NCOA2: variants seen among roughly 807,000 people sequenced by gnomAD.
The protein encoded by NCOA2 is nuclear receptor coactivator 2, also known as class E basic helix-loop-helix protein 75.
A neutral mutation model predicts 145.1 loss-of-function variants in NCOA2; 21 were observed. That is an observed-to-expected ratio of 0.14 (90% CI 0.10 to 0.21). The LOEUF (loss-of-function observed/expected upper bound fraction) is 0.21. Ranked by LOEUF, NCOA2 falls within the 10% of genes least tolerant of loss-of-function variation. The probability of loss-of-function intolerance (pLI) is 1.00; values close to 1 mark genes in which losing one functional copy is unlikely to be tolerated. For missense variants in NCOA2, 1,472 were observed against 1,837.6 expected (o/e 0.80, Z 3.64); for synonymous variants, 619 against 637.5 (o/e 0.97, Z 0.44).
intron 1 of NCOA2, among the ~76,000 whole-genome samples, chr8:70,401,191 T>A (rs1814209269): frequency 6.6e-6 from 1 of 152,146 alleles, no homozygotes; most frequent in Non-Finnish European, 1.5e-5. Context: ...ACCTGTGATC[T>A]TTACAGAGAA....
intron 22 of NCOA2, among the ~76,000 whole-genome samples, chr8:70,120,224 AT>A (rs1365138786): frequency 3.9e-5 from 6 of 152,094 alleles, no homozygotes; most frequent in African/African-American, 1.4e-4. Flanking sequence ...ATGGGATAGG[AT>A]TTTTTAAAAA....
rs1162426964 is a variant in NCOA2, at chr8:70,156,137, G to A, written c.2228C>T (p.Ala743Val). Reference sequence around the variant, plus strand: ...TTTATCTAGCAAATAGCGAAGTAGTGCATTCTCTTTCTTCTTGGGGCTCAC... The same window carrying A: ...TTTATCTAGCAAATAGCGAAGTAGTACATTCTCTTTCTTCTTGGGGCTCAC... ...EPVSPKKKEN[A>V]LLRYLLDKDD... Residue 743 changes from alanine (A) to valine (V), a missense_variant, in exon 11 of 23, where the codon GCA (alanine) becomes GTA (valine). Physicochemically the swap from Ala to Val is moderately conservative, Grantham distance 64. Around this residue, in one of 4 missense-constraint regions of NCOA2, gnomAD observed 953 missense variants for 1,062.1 expected, o/e 0.90. Coordinates refer to ENST00000452400, the MANE Select transcript of NCOA2 (RefSeq NM_006540.4). The A allele has an allele frequency of 1.2e-6, 2 of 1,613,884 alleles. No homozygotes were observed. The highest frequency in any genetic ancestry group is 1.7e-6 in the Non-Finnish European group (2 of 1,179,870).
intron 1 of NCOA2, among the ~76,000 whole-genome samples, chr8:70,334,446 C>T (rs1807388644): frequency 6.6e-6 from 1 of 152,298 alleles, no homozygotes; most frequent in Admixed American, 6.5e-5. Context: ...AAGTTCCGCT[C>T]CTACTTCTTT....
chr8:70,416,982 G>A, the NCOA2 span, among the ~76,000 whole-genome samples: 8 of 152,050 alleles, frequency 5.3e-5, no homozygotes, highest in Non-Finnish European at 1.2e-4. Flanking sequence ...TATATGTTAA[G>A]GGGATATGGG....
chr8:70,386,499 C>T (rs560200588), intron 1 of NCOA2, among the ~76,000 whole-genome samples: 3 of 152,002 alleles, frequency 2.0e-5, no homozygotes, highest in East Asian at 1.9e-4. Flanking sequence ...TCCCTGGAAA[C>T]GCTTGTGGTA....
chr8:70,252,222 A>G (rs1229476296), intron 2 of NCOA2, among the ~76,000 whole-genome samples: 4 of 152,188 alleles, frequency 2.6e-5, no homozygotes, highest in Non-Finnish European at 5.9e-5. Flanking sequence ...AGAATCTCCC[A>G]AACTGTTATT....
intron 12 of NCOA2, among the ~76,000 whole-genome samples, 193 bp from the exon 13 acceptor site, chr8:70,145,041 A>G (rs1170850185): frequency 6.6e-6 from 1 of 152,234 alleles, no homozygotes; most frequent in African/African-American, 2.4e-5. Flanking sequence ...GATCTAATCA[A>G]CTGGTCTCTA....
intron 1 of NCOA2, among the ~76,000 whole-genome samples, chr8:70,333,292 T>TATTACA (rs1807270958): frequency 6.6e-6 from 1 of 152,126 alleles, no homozygotes; most frequent in Non-Finnish European, 1.5e-5. Context: ...AAGCATTCAC[T>TATTACA]ATTACACCGA....
the NCOA2 span, among the ~76,000 whole-genome samples, chr8:70,454,408 CTG>C: frequency 6.6e-6 from 1 of 152,172 alleles, no homozygotes; most frequent in South Asian, 2.1e-4. Flanking sequence ...CAAAACTTGA[CTG>C]TAAACTTTCC....
intron 1 of NCOA2, among the ~76,000 whole-genome samples, chr8:70,397,679 G>C (rs189309056): frequency 2.6e-4 from 40 of 152,084 alleles, no homozygotes; most frequent in Non-Finnish European, 4.9e-4. Flanking sequence ...ACACCACACA[G>C]GACTCAAGGA....
At chr8:70,145,073 C>T (rs1395299847) in intron 12 of NCOA2, among the ~76,000 whole-genome samples, 1 of 152,192 alleles carries the variant, frequency 6.6e-6, no homozygotes, top group Non-Finnish European at 1.5e-5. Flanking sequence ...TCTTGCAAAA[C>T]AAAACAAACA....
chr8:70,449,663 T>C, the NCOA2 span, among the ~76,000 whole-genome samples: 1 of 152,170 alleles, frequency 6.6e-6, no homozygotes, highest in Non-Finnish European at 1.5e-5. Context: ...TCAGCCAGCA[T>C]CTGCAGAGAC....
chr8:70,241,685 G>A (rs1822145285), intron 2 of NCOA2, among the ~76,000 whole-genome samples: 3 of 151,598 alleles, frequency 2.0e-5, no homozygotes, highest in South Asian at 4.2e-4. Flanking sequence ...CAAACTACCT[G>A]GGCTGAAATC....
chr8:70,421,849 C>A, the NCOA2 span, among the ~76,000 whole-genome samples: 1 of 151,820 alleles, frequency 6.6e-6, no homozygotes, highest in Non-Finnish European at 1.5e-5. Context: ...AATCCCAGCA[C>A]TTTGGGAGGC....
chr8:70,441,987 A>G, the NCOA2 span, among the ~76,000 whole-genome samples: 1 of 146,552 alleles, frequency 6.8e-6, no homozygotes, highest in Non-Finnish European at 1.5e-5. Flanking sequence ...GAGGAAAGAG[A>G]GAAAGAAAGG....
At chr8:70,453,246 T>C in the NCOA2 span, among the ~76,000 whole-genome samples, 23 of 152,190 alleles carry the variant, frequency 1.5e-4, no homozygotes, top group Non-Finnish European at 3.1e-4. Context: ...GCTATCTACC[T>C]TCCCCTTACC....
the NCOA2 span, among the ~76,000 whole-genome samples, chr8:70,442,055 AAG>A: frequency 0.091 from 12,499 of 137,272 alleles, 996 homozygotes; most frequent in African/African-American, 0.21. Context: ...GAAGAAAGGA[AAG>A]AGAGAGAAAG....
chr8:70,328,372 CA>C (rs1391117017), intron 1 of NCOA2, among the ~76,000 whole-genome samples: 9 of 152,300 alleles, frequency 5.9e-5, no homozygotes, highest in African/African-American at 1.9e-4. Context: ...TGTTTCTACG[CA>C]ATAAGTTTGT....
chr8:70,197,183 T>G (rs550519716), intron 4 of NCOA2, among the ~76,000 whole-genome samples: 1 of 152,374 alleles, frequency 6.6e-6, no homozygotes, highest in East Asian at 1.9e-4. Context: ...ATTACCCATA[T>G]GGTGAACTTC....
Sources: gnomAD v4.1 joint callset for allele counts (sites outside exome capture counted in the v4.1 genomes callset) on GRCh38, gnomAD v4.1.1 for gene constraint, gnomAD v4.1.1 regional missense constraint, MANE v1.5 for transcripts, NCBI Gene and HGNC (gene_info 2026-07-23, HGNC 2026-07-21) for gene names.